Variants in NEK10 observed in about 807,000 individuals in gnomAD.
The protein encoded by NEK10 is serine/threonine-protein kinase Nek10.
NEK10 carries 122 observed loss-of-function variants against 159.8 expected under a neutral mutation model. That is an observed-to-expected ratio of 0.76 (90% CI 0.66 to 0.89). The LOEUF is 0.89. NEK10 is among the 40% of genes least tolerant of loss of function. The pLI, the probability that NEK10 is intolerant of heterozygous loss-of-function variation, is 0.00. For missense variants in NEK10, 1,342 were observed against 1,323.1 expected (o/e 1.01, Z -0.22); for synonymous variants, 466 against 457.1 (o/e 1.02, Z -0.25).
At chr3:27,215,538 G>A (rs746236111) in intron 23 of NEK10, 6 of 456,666 alleles carry the variant, frequency 1.3e-5, no homozygotes, top group Non-Finnish European at 1.9e-5. Flanking sequence ...TTACTCAGAT[G>A]AGTTTTGACT....
At chr3:27,228,202 T>C (rs1366025741) in intron 23 of NEK10, among the ~76,000 whole-genome samples, 2 of 152,214 alleles carry the variant, frequency 1.3e-5, no homozygotes, top group African/African-American at 4.8e-5. Flanking sequence ...AAATTTTCAC[T>C]TCCCAATTTA....
At chr3:27,304,552 T>G (rs2044086960) in intron 12 of NEK10, among the ~76,000 whole-genome samples, 195 bp downstream of exon 12, 1 of 152,082 alleles carries the variant, frequency 6.6e-6, no homozygotes, top group African/African-American at 2.4e-5. Context: ...CCCAAGGAAT[T>G]TAAAAGATGA....
At chr3:27,252,596 T>A (rs1001854079) in intron 23 of NEK10, among the ~76,000 whole-genome samples, 6 of 152,226 alleles carry the variant, frequency 3.9e-5, no homozygotes, top group African/African-American at 1.4e-4. Flanking sequence ...AAATCATAAT[T>A]GCTTATCACA....
chr3:27,304,716 G>T, intron 12 of NEK10, 31 bp downstream of exon 12: 2 of 1,417,370 alleles, frequency 1.4e-6, no homozygotes, highest in Non-Finnish European at 2.0e-6. Context: ...AACAAACAGG[G>T]CAAAGTAGGC....
Position 27,198,789 on chromosome 3 carries a change from G to A in NEK10, c.2291+2721C>T, listed in dbSNP as rs142407124. Among the ~76,000 whole-genome samples the A allele has an allele frequency of 3.2e-3, 487 of 151,908 alleles. 5 individuals carry two copies. Among genetic ancestry groups the A allele is most frequent in the East Asian group, 0.023 (120 of 5,170 alleles). On this transcript the variant is annotated intron_variant, in intron 25 of 35. Transcript: ENST00000691995. The stretch of plus-strand genomic sequence containing the variant: ...CCAAAAGCAAAAATTGACAAGTTGG[G>A]GGCCAGGTGCGGTGACTCACGACTG...
chr3:27,319,695 C>A (rs1028201504), intron 6 of NEK10, among the ~76,000 whole-genome samples: 1 of 152,062 alleles, frequency 6.6e-6, no homozygotes, highest in African/African-American at 2.4e-5. Context: ...GAAGGGAAAG[C>A]CTTGGCCAGG....
intron 23 of NEK10, among the ~76,000 whole-genome samples, chr3:27,228,680 G>A (rs1199857880): frequency 1.3e-5 from 2 of 152,108 alleles, no homozygotes; most frequent in African/African-American, 4.8e-5. Context: ...TAGAATGATT[G>A]TAGCCCCACA....
chr3:27,345,517 C>T (rs66854845), intron 4 of NEK10, among the ~76,000 whole-genome samples: 23,383 of 152,102 alleles, frequency 0.15, 1,996 homozygotes, highest in Non-Finnish European at 0.2. Flanking sequence ...TTACATGGTA[C>T]TTAGTGCCAA....
intron 31 of NEK10, among the ~76,000 whole-genome samples, chr3:27,141,273 T>TAGGAATCATA (rs1230123526): frequency 2.6e-4 from 39 of 152,130 alleles, no homozygotes; most frequent in Admixed American, 2.2e-3. Context: ...GAGAGGATGT[T>TAGGAATCATA]AGGAATCATA....
intron 6 of NEK10, among the ~76,000 whole-genome samples, chr3:27,315,708 T>C (rs1460715020): frequency 6.6e-6 from 1 of 152,230 alleles, no homozygotes; most frequent in African/African-American, 2.4e-5. Context: ...TGCTCTTTGC[T>C]GAGCTGTAAG....
At chr3:27,186,192 C>T (rs1199368981) in intron 26 of NEK10, among the ~76,000 whole-genome samples, 1 of 152,180 alleles carries the variant, frequency 6.6e-6, no homozygotes, top group Non-Finnish European at 1.5e-5. Context: ...TGATCTCCAG[C>T]AAATGGGTGT....
intron 23 of NEK10, among the ~76,000 whole-genome samples, chr3:27,224,766 G>A (rs1352929187): frequency 6.6e-6 from 1 of 152,134 alleles, no homozygotes; most frequent in Non-Finnish European, 1.5e-5. Flanking sequence ...GGCTAAGATA[G>A]CAAGTTGCTT....
chr3:27,118,357 C>A (rs1277900591), intron 33 of NEK10, among the ~76,000 whole-genome samples: 1 of 152,214 alleles, frequency 6.6e-6, no homozygotes, highest in African/African-American at 2.4e-5. Context: ...TCCGATGCCA[C>A]CCAAAGCCGT....
intron 25 of NEK10, among the ~76,000 whole-genome samples, chr3:27,195,108 G>A (rs1949448204): frequency 1.3e-5 from 2 of 152,060 alleles, no homozygotes; most frequent in South Asian, 4.1e-4. Flanking sequence ...ATAATGAGAA[G>A]ATAGTAAAAT....
At chr3:27,286,568 TA>T (rs71091121) in intron 20 of NEK10, among the ~76,000 whole-genome samples, 1 of 143,796 alleles carries the variant, frequency 7.0e-6, no homozygotes, top group African/African-American at 2.6e-5. Flanking sequence ...TTTTTTTTTT[TA>T]AGTAGAGACA....
intron 1 of NEK10, among the ~76,000 whole-genome samples, chr3:27,358,489 T>C (rs2048467718): frequency 1.3e-5 from 2 of 152,216 alleles, no homozygotes; most frequent in African/African-American, 4.8e-5. Context: ...GTTTGAAATT[T>C]GGGTTAATGC....
intron 23 of NEK10, among the ~76,000 whole-genome samples, chr3:27,220,018 G>A (rs527486445): frequency 6.6e-6 from 1 of 152,090 alleles, no homozygotes; most frequent in Non-Finnish European, 1.5e-5. Context: ...AACAAAGAAA[G>A]TACATGACTT....
At chr3:27,311,329 A>T in intron 8 of NEK10, 1 of 194,752 alleles carries the variant, frequency 5.1e-6, no homozygotes, top group East Asian at 1.3e-4. Context: ...TTCTTCAAAG[A>T]TCCTCTCTGT....
intron 13 of NEK10, among the ~76,000 whole-genome samples, chr3:27,299,185 T>G (rs571101054): frequency 1.3e-5 from 2 of 152,294 alleles, no homozygotes; most frequent in East Asian, 3.9e-4. Context: ...TTTCATGGAC[T>G]GGACCCAGGG....
Sources: allele counts gnomAD v4.1 joint callset (sites outside exome capture counted in the v4.1 genomes callset), GRCh38; gene constraint gnomAD v4.1.1; transcripts MANE v1.5; gene names NCBI Gene and HGNC (gene_info 2026-07-23, HGNC 2026-07-21).